DGKI: variants seen among roughly 807,000 people sequenced by gnomAD.
DGKI encodes DAG kinase iota.
In DGKI, 55 loss-of-function variants were observed where a neutral mutation model predicts 147.5. That is an observed-to-expected ratio of 0.37 (90% CI 0.30 to 0.47). DGKI has a LOEUF of 0.47. Among genes scored for constraint, DGKI ranks in the 20% least tolerant of loss-of-function variants. The pLI, the probability that DGKI is intolerant of heterozygous loss-of-function variation, is 1.00. For synonymous variants in DGKI, 469 were observed against 477.1 expected, an observed-to-expected ratio of 0.98 and a Z score of 0.22; for missense variants, 1,007 against 1,323.8, an observed-to-expected ratio of 0.76 and a Z score of 3.71.
At chr7:137,638,648 G>GTACA (rs1821501135) in intron 6 of DGKI, among the ~76,000 whole-genome samples, 1 of 3,840 alleles carries the variant, frequency 2.6e-4, no homozygotes, top group African/African-American at 5.3e-4. Context: ...ATATGTGTAT[G>GTACA]TATATACACA....
chr7:137,786,161 T>C (rs1377903484), intron 1 of DGKI, among the ~76,000 whole-genome samples: 2 of 152,032 alleles, frequency 1.3e-5, no homozygotes, highest in African/African-American at 4.8e-5. Flanking sequence ...GCATCCAAAT[T>C]GGTAAAGAGG....
At chr7:137,497,511 G>C (rs1326949601) in intron 21 of DGKI, among the ~76,000 whole-genome samples, 2 of 151,924 alleles carry the variant, frequency 1.3e-5, no homozygotes, top group African/African-American at 4.8e-5. Flanking sequence ...TGTAGCACTA[G>C]TCACAATAGC....
intron 2 of DGKI, among the ~76,000 whole-genome samples, chr7:137,681,599 G>A (rs1158362358): frequency 2.0e-5 from 3 of 152,190 alleles, no homozygotes; most frequent in African/African-American, 7.2e-5. Context: ...CAGGCACTGA[G>A]ATTCTGTGTT....
intron 28 of DGKI, among the ~76,000 whole-genome samples, chr7:137,428,939 A>T (rs552356666): frequency 2.0e-5 from 3 of 152,028 alleles, no homozygotes; most frequent in African/African-American, 4.8e-5. Context: ...CATGCTCATG[A>T]GTAGGAAGAA....
chr7:137,469,567 C>G lies in DGKI; in HGVS notation c.2426G>C (p.Arg809Pro), dbSNP rs1243492850. The change falls in exon 24 of 33, where the codon CGG becomes CCG. Residue 809 changes from arginine to proline, a missense_variant. Transcript: ENST00000614521. The stretch of plus-strand genomic sequence containing the variant: ...GAACTCACCATCTAGGAAGCACCAC[C>G]GAGGAGAGAGCCTCTGTGCTGAGAG... ...RALSAQRLSP[R>P]WCFLDATSAD... 1 of 1,614,002 alleles carries G rather than the reference C, an allele frequency of 6.2e-7. No homozygotes were observed. Among genetic ancestry groups the G allele is most frequent in the Non-Finnish European group, 8.5e-7 (1 of 1,179,942 alleles).
intron 28 of DGKI, among the ~76,000 whole-genome samples, chr7:137,414,247 A>G (rs1812275753): frequency 6.6e-6 from 1 of 152,148 alleles, no homozygotes; most frequent in Non-Finnish European, 1.5e-5. Flanking sequence ...CCCTTTGACC[A>G]ACGCTGAAGC....
At chr7:137,423,816 C>T (rs1406679495) in intron 28 of DGKI, among the ~76,000 whole-genome samples, 1 of 152,176 alleles carries the variant, frequency 6.6e-6, no homozygotes, top group African/African-American at 2.4e-5. Flanking sequence ...AATAAAATGT[C>T]AAGAGCATAC....
chr7:137,722,515 G>A (rs1188149961), intron 1 of DGKI: 5 of 1,610,000 alleles, frequency 3.1e-6, no homozygotes, highest in Non-Finnish European at 3.4e-6. Flanking sequence ...ACTTGTGACT[G>A]GACCTCTGGT....
At chr7:137,747,462 G>A (rs573541098) in intron 1 of DGKI, among the ~76,000 whole-genome samples, 2 of 152,232 alleles carry the variant, frequency 1.3e-5, no homozygotes, top group South Asian at 2.1e-4. Context: ...GGCATAATCC[G>A]TAAATGACTT....
intron 1 of DGKI, among the ~76,000 whole-genome samples, chr7:137,746,191 C>T (rs1377959140): frequency 2.0e-5 from 3 of 152,064 alleles, no homozygotes; most frequent in Non-Finnish European, 4.4e-5. Context: ...TAAAATTGAT[C>T]AATGCTTGAC....
At chr7:137,465,818 A>T (rs1814631854) in intron 26 of DGKI, 90 bp downstream of exon 26, 1 of 1,474,224 alleles carries the variant, frequency 6.8e-7, no homozygotes, top group East Asian at 2.3e-5. Context: ...AAATCATTTG[A>T]TGTCATTAGA....
chr7:137,711,850 C>T (rs895078181), intron 1 of DGKI, among the ~76,000 whole-genome samples: 11 of 151,740 alleles, frequency 7.2e-5, no homozygotes, highest in Non-Finnish European at 1.5e-5. Context: ...CCCACCAACA[C>T]ACCCAGCTAG....
At chr7:137,632,736 G>A (rs940329881) in intron 6 of DGKI, among the ~76,000 whole-genome samples, 2 of 152,092 alleles carry the variant, frequency 1.3e-5, no homozygotes, top group African/African-American at 4.8e-5. Context: ...GCACACGCCT[G>A]TAGTCCCAGC....
chr7:137,625,955 A>C (rs1820923093), intron 6 of DGKI, among the ~76,000 whole-genome samples: 1 of 152,064 alleles, frequency 6.6e-6, no homozygotes, highest in Non-Finnish European at 1.5e-5. Flanking sequence ...AAAAGGCCTC[A>C]ATAAAAACCC....
chr7:137,400,083 G>A (rs1811697891), intron 30 of DGKI, among the ~76,000 whole-genome samples: 1 of 152,186 alleles, frequency 6.6e-6, no homozygotes, highest in Non-Finnish European at 1.5e-5. Context: ...GTGAAGGAAT[G>A]TGGTATGAAA....
intron 18 of DGKI, 62 bp downstream of exon 18, chr7:137,572,703 A>C: frequency 8.5e-7 from 1 of 1,171,470 alleles, no homozygotes; most frequent in Non-Finnish European, 1.2e-6. Context: ...TCTGTTATGA[A>C]AACAGATAAC....
At chr7:137,519,442 G>A (rs898790479) in intron 21 of DGKI, among the ~76,000 whole-genome samples, 2 of 151,938 alleles carry the variant, frequency 1.3e-5, no homozygotes, top group Non-Finnish European at 1.5e-5. Flanking sequence ...AACTTCAAAC[G>A]CAGTACCATG....
At chr7:137,806,572 T>C (rs1380086490) in intron 1 of DGKI, among the ~76,000 whole-genome samples, 1 of 152,014 alleles carries the variant, frequency 6.6e-6, no homozygotes, top group East Asian at 1.9e-4. Flanking sequence ...TACCTGGGAG[T>C]ACAGGCACCT....
intron 19 of DGKI, among the ~76,000 whole-genome samples, chr7:137,568,091 ACTC>A (rs1818653036): frequency 6.6e-6 from 1 of 152,000 alleles, no homozygotes; most frequent in South Asian, 2.1e-4. Flanking sequence ...AATTTTACTA[ACTC>A]CTCAAGAATG....
Sources: allele counts gnomAD v4.1 joint callset (sites outside exome capture counted in the v4.1 genomes callset), GRCh38; gene constraint gnomAD v4.1.1; transcripts MANE v1.5; gene names NCBI Gene and HGNC (gene_info 2026-07-23, HGNC 2026-07-21).